The following ARRDC5 variants were observed in gnomAD, a reference collection of about 807,000 sequenced individuals.
ARRDC5 encodes arrestin domain containing 5.
ARRDC5 carries 12 observed loss-of-function variants against 13.3 expected under a neutral mutation model. That is an observed-to-expected ratio of 0.90 (90% CI 0.58 to 1.46). The LOEUF (loss-of-function observed/expected upper bound fraction) is 1.46. ARRDC5 is among the 40% of genes most tolerant of loss of function. ARRDC5 has a pLI of 0.00. For synonymous variants in ARRDC5, 181 were observed against 173.4 expected (o/e 1.04, Z -0.34); for missense variants, 406 against 418.7 (o/e 0.97, Z 0.26).
chr19:4,909,600 C>T, the ARRDC5 span: 1 of 643,218 alleles, frequency 1.6e-6, no homozygotes, highest in Admixed American at 2.5e-5. Flanking sequence ...GTTTCATCGC[C>T]ATCCCCAGCC....
At chr19:4,904,281 C>A (rs2032015870), upstream of ARRDC5, among the ~76,000 whole-genome samples, 1 of 152,108 alleles carries the variant, frequency 6.6e-6, no homozygotes, top group African/African-American at 2.4e-5. Context: ...CGTGTTCATG[C>A]CATTCTCCTG....
chr19:4,902,829 G>A lies in ARRDC5; in HGVS notation c.-4C>T. 6.2e-7 allele frequency: 1 copy of A among 1,613,844 alleles called. No individual in the cohort carries two copies. The highest frequency in any genetic ancestry group is 8.5e-7 in the Non-Finnish European group (1 of 1,179,860). ...CGATCGACTTCACCACAGACATGGG[G>A]GGTTGGGGGGTAGAGAGACATTCCT... On this transcript the variant is annotated 5_prime_UTR_variant, in exon 1 of 3. Coordinates refer to ENST00000650722, the MANE Select transcript of ARRDC5 (RefSeq NM_001080523.3).
At chr19:4,894,558 C>A (rs2146245413) in intron 2 of ARRDC5, among the ~76,000 whole-genome samples, 1 of 139,070 alleles carries the variant, frequency 7.2e-6, no homozygotes, top group South Asian at 2.3e-4. Context: ...GTGGTGGGTG[C>A]CTGTAGTCCC....
intron 1 of ARRDC5, among the ~76,000 whole-genome samples, chr19:4,900,917 G>A (rs2031891182): frequency 1.3e-5 from 2 of 152,040 alleles, no homozygotes; most frequent in South Asian, 4.1e-4. Flanking sequence ...TACTCGGGAG[G>A]CTGAGGCGGG....
intron 2 of ARRDC5, among the ~76,000 whole-genome samples, chr19:4,892,689 A>T (rs941662046): frequency 6.6e-6 from 1 of 152,174 alleles, no homozygotes; most frequent in African/African-American, 2.4e-5. Context: ...TGTTTGCAAC[A>T]TAGCAAATTG....
chr19:4,911,486 GTGTT>G, the ARRDC5 span, among the ~76,000 whole-genome samples: 1 of 152,090 alleles, frequency 6.6e-6, no homozygotes, highest in Non-Finnish European at 1.5e-5. Context: ...GACCCTGCGA[GTGTT>G]TGTTTCTAAA....
chr19:4,903,206 G>C (rs2031984037), upstream of ARRDC5: 1 of 241,312 alleles, frequency 4.1e-6, no homozygotes, highest in Non-Finnish European at 8.4e-6. Flanking sequence ...TTTTGGTAGA[G>C]ACAGAGTTTC....
chr19:4,892,786 T>G (rs565226472), intron 2 of ARRDC5, among the ~76,000 whole-genome samples: 5 of 152,174 alleles, frequency 3.3e-5, no homozygotes, highest in Admixed American at 6.6e-5. Flanking sequence ...CTAAATTGAT[T>G]TTTTGTGATA....
chr19:4,893,909 G>A (rs1202571118), intron 2 of ARRDC5, among the ~76,000 whole-genome samples: 3 of 148,378 alleles, frequency 2.0e-5, no homozygotes, highest in East Asian at 2.0e-4. Flanking sequence ...ATAGCCAGGC[G>A]TGGTGGTGGG....
At chr19:4,914,089 G>C in the ARRDC5 span, among the ~76,000 whole-genome samples, 1 of 152,054 alleles carries the variant, frequency 6.6e-6, no homozygotes, top group Non-Finnish European at 1.5e-5. Context: ...GCCTCCCAAA[G>C]TGCTGGGATT....
At chr19:4,916,562 GGGTCGAAGGGCAGA>G in the ARRDC5 span, among the ~76,000 whole-genome samples, 1 of 152,090 alleles carries the variant, frequency 6.6e-6, no homozygotes, top group African/African-American at 2.4e-5. Context: ...TGACCCGGCC[GGGTCGAAGGGCAGA>G]GTTCCGCTGT....
chr19:4,893,772 G>C (rs1305583811), intron 2 of ARRDC5, among the ~76,000 whole-genome samples: 2 of 150,946 alleles, frequency 1.3e-5, no homozygotes, highest in Non-Finnish European at 3.0e-5. Context: ...GCCGGGTGCG[G>C]TGGCTCACCC....
chr19:4,908,653 G>C, the ARRDC5 span, among the ~76,000 whole-genome samples: 1 of 152,186 alleles, frequency 6.6e-6, no homozygotes, highest in African/African-American at 2.4e-5. Context: ...CCCAGTGAGA[G>C]AGTATCCTCT....
At chr19:4,896,324 A>AT (rs2031711982) in intron 2 of ARRDC5, among the ~76,000 whole-genome samples, 2 of 69,490 alleles carry the variant, frequency 2.9e-5, no homozygotes, top group Non-Finnish European at 5.4e-5. Context: ...AAAAAAAAAA[A>AT]AAAAAATATA....
At chr19:4,908,203 A>G in the ARRDC5 span, among the ~76,000 whole-genome samples, 5 of 152,172 alleles carry the variant, frequency 3.3e-5, no homozygotes, top group Non-Finnish European at 1.5e-5. Flanking sequence ...TTAGCTGTGT[A>G]AGGCACTGTA....
At chr19:4,911,132 C>G in the ARRDC5 span, 212 of 1,266,330 alleles carry the variant, frequency 1.7e-4, no homozygotes, top group South Asian at 2.1e-4. Flanking sequence ...CACCTCCCCC[C>G]CCAACAACCT....
At chr19:4,900,891 C>T (rs1453046874) in intron 1 of ARRDC5, among the ~76,000 whole-genome samples, 1 of 151,990 alleles carries the variant, frequency 6.6e-6, no homozygotes, top group Non-Finnish European at 1.5e-5. Flanking sequence ...TGGTGGCACA[C>T]GCCTGTAGTG....
At chr19:4,915,124 A>T in the ARRDC5 span, among the ~76,000 whole-genome samples, 1 of 152,232 alleles carries the variant, frequency 6.6e-6, no homozygotes, top group Non-Finnish European at 1.5e-5. Context: ...GGTCAGTCTG[A>T]TGCCTCAGTT....
the ARRDC5 span, chr19:4,910,848 T>TG: frequency 1.9e-6 from 3 of 1,578,114 alleles, no homozygotes; most frequent in African/African-American, 4.1e-5. Flanking sequence ...GTAAAACTGA[T>TG]GGGGGTTTTT....
Sources: allele counts gnomAD v4.1 joint callset (sites outside exome capture counted in the v4.1 genomes callset), GRCh38; gene constraint gnomAD v4.1.1; transcripts MANE v1.5; gene names NCBI Gene and HGNC (gene_info 2026-07-23, HGNC 2026-07-21).